The following PGR variants were observed in gnomAD, a reference collection of about 807,000 sequenced individuals.
PGR encodes progesterone receptor.
PGR carries 25 observed loss-of-function variants against 76.1 expected under a neutral mutation model. That is an observed-to-expected ratio of 0.33 (90% CI 0.24 to 0.46). The LOEUF is 0.46. PGR is among the 20% of genes least tolerant of loss of function. The probability of loss-of-function intolerance (pLI) is 1.00; values close to 1 mark genes in which losing one functional copy is unlikely to be tolerated. For synonymous variants in PGR, 579 were observed against 535.0 expected (o/e 1.08, Z -1.14); for missense variants, 1,172 against 1,225.3 (o/e 0.96, Z 0.65).
chr11:101,047,037 C>T (rs1441579894), intron 6 of PGR, among the ~76,000 whole-genome samples: 1 of 152,228 alleles, frequency 6.6e-6, no homozygotes, highest in East Asian at 1.9e-4. Flanking sequence ...TTGTGGAAAG[C>T]GTAAGTACTA....
chr11:101,073,042 C>T (rs1860998657), intron 3 of PGR, among the ~76,000 whole-genome samples: 1 of 152,178 alleles, frequency 6.6e-6, no homozygotes, highest in Non-Finnish European at 1.5e-5. Flanking sequence ...CACCACATTG[C>T]ACTTATTCTA....
chr11:101,061,962 A>T (rs1244224862), intron 4 of PGR, among the ~76,000 whole-genome samples: 1 of 152,192 alleles, frequency 6.6e-6, no homozygotes. Context: ...ATTATTTTTT[A>T]AAGTAATTTA....
In PGR at chr11:101,128,823, A is replaced by C; in HGVS notation, c.248T>G (p.Val83Gly). The change falls in exon 1 of 8, where the codon GTG becomes GGG. Residue 83 changes from valine (V) to glycine (G), a missense_variant. Transcript: ENST00000325455. ...KTQDQQSLSD[V>G]EGAYSRAEAT... Reference sequence around the variant, plus strand: ...TTCAGCTCTGGAATATGCGCCCTCCACGTCCGACAGCGACTGCTGGTCCTG... The same window carrying C: ...TTCAGCTCTGGAATATGCGCCCTCCCCGTCCGACAGCGACTGCTGGTCCTG... 1 of 1,614,138 alleles carries C rather than the reference A, an allele frequency of 6.2e-7. No homozygotes were observed. Among genetic ancestry groups the C allele is most frequent in the Non-Finnish European group, 8.5e-7 (1 of 1,180,030 alleles).
intron 2 of PGR, among the ~76,000 whole-genome samples, chr11:101,108,110 T>C (rs1216804304): frequency 6.6e-6 from 1 of 151,432 alleles, no homozygotes; most frequent in Non-Finnish European, 1.5e-5. Context: ...AAAAATTAGG[T>C]GGGCTTGGTG....
chr11:101,056,385 G>A (rs1007424300), intron 4 of PGR, among the ~76,000 whole-genome samples: 1 of 152,094 alleles, frequency 6.6e-6, no homozygotes, highest in African/African-American at 2.4e-5. Context: ...CATGCCCGTA[G>A]TCCCAGTGCT....
intron 4 of PGR, among the ~76,000 whole-genome samples, chr11:101,058,790 A>G (rs1356234599): frequency 6.6e-6 from 1 of 152,038 alleles, no homozygotes; most frequent in Non-Finnish European, 1.5e-5. Context: ...AATTTTTAAG[A>G]CCCTCCTTGA....
intron 2 of PGR, among the ~76,000 whole-genome samples, chr11:101,121,538 TTCTG>T (rs1171880636): frequency 6.6e-6 from 1 of 152,228 alleles, no homozygotes; most frequent in Non-Finnish European, 1.5e-5. Flanking sequence ...AGTATTTCAT[TTCTG>T]TCTAGTTTCC....
intron 2 of PGR, among the ~76,000 whole-genome samples, chr11:101,101,622 A>C (rs560605914): frequency 3.4e-4 from 52 of 152,324 alleles, no homozygotes; most frequent in Admixed American, 5.9e-4. Context: ...GTGAGGCCAC[A>C]TTTCCTTCCC....
At chr11:101,116,698 C>T (rs1387599184) in intron 2 of PGR, among the ~76,000 whole-genome samples, 2 of 141,470 alleles carry the variant, frequency 1.4e-5, no homozygotes, top group African/African-American at 2.7e-5. Context: ...TGAGGTCAAA[C>T]CACTGCACTC....
At chr11:101,041,855 C>A in intron 7 of PGR, 90 bp downstream of exon 7, 1 of 1,154,432 alleles carries the variant, frequency 8.7e-7, no homozygotes, top group South Asian at 1.3e-5. Flanking sequence ...CTGAGAAAAT[C>A]ATACAAAGTA....
intron 2 of PGR, among the ~76,000 whole-genome samples, chr11:101,113,768 T>A (rs1302382667): frequency 6.6e-6 from 1 of 152,154 alleles, no homozygotes; most frequent in Non-Finnish European, 1.5e-5. Flanking sequence ...GCCTAGGGAT[T>A]TATGGATTGT....
At chr11:101,073,367 G>C (rs932173652) in intron 3 of PGR, among the ~76,000 whole-genome samples, 4 of 152,270 alleles carry the variant, frequency 2.6e-5, no homozygotes, top group Non-Finnish European at 2.9e-5. Flanking sequence ...ATGTCCACAG[G>C]AGAAAGTGGG....
At chr11:101,117,676 TC>T (rs1442049649) in intron 2 of PGR, among the ~76,000 whole-genome samples, 4 of 149,300 alleles carry the variant, frequency 2.7e-5, no homozygotes, top group Non-Finnish European at 4.5e-5. Flanking sequence ...ACGCCAGGAG[TC>T]ACAATATTAT....
Position 101,128,612 on chromosome 11 carries a change from A to T in PGR, c.459T>A (p.Ala153=), listed in dbSNP as rs1181991311. 6.9e-6 allele frequency: 11 copies of T among 1,590,392 alleles called. No individual in the cohort carries two copies. Among genetic ancestry groups the T allele is most frequent in the Admixed American group, 1.8e-5 (1 of 56,832 alleles). ...FGPELPEDPP[A]APATQRVLSP... ...ACAACACCCGCTGGGTGGCGGGGGCAGCCGGTGGATCTTCGGGAAGTTCGG... is the reference window on the plus strand; with the variant it reads ...ACAACACCCGCTGGGTGGCGGGGGCTGCCGGTGGATCTTCGGGAAGTTCGG... Residue 153 remains alanine, a synonymous_variant, in exon 1 of 8, where the codon GCT becomes GCA. Transcript: ENST00000325455.
At chr11:101,101,291 A>G (rs78025546) in intron 2 of PGR, among the ~76,000 whole-genome samples, 2,249 of 152,326 alleles carry the variant, frequency 0.015, 35 homozygotes, top group Non-Finnish European at 0.024. Flanking sequence ...ATGTAAGAAG[A>G]GAAAGAATGA....
At chr11:101,050,194 A>G in intron 5 of PGR, 135 bp from the exon 6 acceptor site, 1 of 840,792 alleles carries the variant, frequency 1.2e-6, no homozygotes, top group Non-Finnish European at 1.9e-6. Flanking sequence ...ACTACTTTTA[A>G]TAAACAAACC....
intron 3 of PGR, among the ~76,000 whole-genome samples, chr11:101,085,948 G>C (rs1861485785): frequency 6.6e-6 from 1 of 152,064 alleles, no homozygotes; most frequent in Admixed American, 6.6e-5. Context: ...AATGGAATTA[G>C]TAATAAAAAA....
chr11:101,083,913 T>C (rs908711365), intron 3 of PGR, among the ~76,000 whole-genome samples: 6 of 152,202 alleles, frequency 3.9e-5, no homozygotes, highest in Admixed American at 6.5e-5. Flanking sequence ...TGGGAAGGCA[T>C]GATTGTGTTT....
chr11:101,046,785 C>A (rs1012359671), intron 6 of PGR, among the ~76,000 whole-genome samples: 1 of 151,946 alleles, frequency 6.6e-6, no homozygotes, highest in African/African-American at 2.4e-5. Context: ...TTATTTGTTT[C>A]AGACTCATTG....
Sources: allele counts gnomAD v4.1 joint callset (sites outside exome capture counted in the v4.1 genomes callset), GRCh38; gene constraint gnomAD v4.1.1; transcripts MANE v1.5; gene names NCBI Gene and HGNC (gene_info 2026-07-23, HGNC 2026-07-21).